HMSD: variants seen among roughly 807,000 people sequenced by gnomAD.
The protein encoded by HMSD is serpin-like protein HMSD.
HMSD carries 13 observed loss-of-function variants against 10.0 expected under a neutral mutation model. The observed-to-expected ratio is 1.31, with a 90% CI of 0.85 to 2.08. HMSD has a LOEUF of 2.08. Ranked by LOEUF, HMSD falls within the 30% of genes most tolerant of loss-of-function variation. The pLI is 0.00. For synonymous variants in HMSD, 51 were observed against 54.2 expected, an observed-to-expected ratio of 0.94 and a Z score of 0.26; for missense variants, 169 against 166.3, an observed-to-expected ratio of 1.02 and a Z score of -0.09.
chr18:63,956,909 A>G lies in HMSD; in HGVS notation c.222+2352A>G, dbSNP rs1051258704. The stretch of plus-strand genomic sequence containing the variant: ...TGCAGCCATAAAACAGAATGAGATC[A>G]TGTCCTTTGCAGCCACAGAGATGGA... On this transcript the variant is annotated intron_variant, in intron 3 of 3. Coordinates refer to ENST00000408945, the MANE Select transcript of HMSD (RefSeq NM_001123366.2). Among the ~76,000 whole-genome samples the G allele has an allele frequency of 2.0e-5, 3 of 152,370 alleles. No homozygotes were observed. In the East Asian group the frequency reaches 5.8e-4, roughly 29 times the overall value.
In HMSD at chr18:63,953,337, A is replaced by C; in HGVS notation, c.-102-17A>C. 1 of 702,780 alleles carries C rather than the reference A, an allele frequency of 1.4e-6. No homozygotes were observed. Among genetic ancestry groups the C allele is most frequent in the Non-Finnish European group, 2.5e-6 (1 of 396,768 alleles). The allele number at this position is 702,780 out of a possible 1,614,324, so 43.5% of individuals were successfully genotyped here. On this transcript the variant is annotated splice_polypyrimidine_tract_variant and intron_variant, in intron 1 of 3. Transcript: ENST00000408945. The stretch of plus-strand genomic sequence containing the variant: ...GCCTATATTAATGTAATATTGTTTA[A>C]AAATCCATTGTTTCAGGCTCACCGT...
chr18:63,959,386 T>C (rs892343339), intron 3 of HMSD, among the ~76,000 whole-genome samples: 4 of 152,206 alleles, frequency 2.6e-5, no homozygotes, highest in Non-Finnish European at 5.9e-5. Context: ...GTTTTTAATA[T>C]CACTTGAGAT....
intron 2 of HMSD, among the ~76,000 whole-genome samples, chr18:63,953,965 T>G (rs1431035084): frequency 1.3e-5 from 2 of 152,242 alleles, no homozygotes; most frequent in South Asian, 2.1e-4. Context: ...GAGCCAGTTC[T>G]GCATTCTGCT....
chr18:63,949,754 T>A (rs551369296), intron 1 of HMSD, among the ~76,000 whole-genome samples: 1 of 152,140 alleles, frequency 6.6e-6, no homozygotes, highest in East Asian at 1.9e-4. Context: ...GAAGTTTATG[T>A]TGGGCGCTGG....
At chr18:63,966,558 A>T (rs1188234741), downstream of HMSD, 1 of 152,252 alleles carries the variant, frequency 6.6e-6, no homozygotes, top group Non-Finnish European at 1.5e-5. Flanking sequence ...ACCACAGATC[A>T]CATACACGGA....
chr18:63,964,693 A>G (rs2050402935), downstream of HMSD, among the ~76,000 whole-genome samples: 1 of 152,138 alleles, frequency 6.6e-6, no homozygotes, highest in Non-Finnish European at 1.5e-5. Flanking sequence ...CCTTTTAGCT[A>G]TGTTCACATG....
At chr18:63,954,341 G>A (rs1174393273) in intron 2 of HMSD, 67 bp from the exon 3 acceptor site, 3 of 1,105,182 alleles carry the variant, frequency 2.7e-6, no homozygotes, top group South Asian at 1.4e-5. Context: ...TGAGTTTACT[G>A]TTGTGCCTAT....
intron 1 of HMSD, among the ~76,000 whole-genome samples, chr18:63,951,140 G>A (rs1010639234): frequency 3.3e-5 from 5 of 152,224 alleles, no homozygotes; most frequent in Admixed American, 3.3e-4. Flanking sequence ...GTTTATTATT[G>A]TACAAATGCT....
chr18:63,955,368 T>C (rs150053364), intron 3 of HMSD, among the ~76,000 whole-genome samples: 10 of 152,334 alleles, frequency 6.6e-5, no homozygotes, highest in Admixed American at 2.0e-4. Context: ...CTTTCTTGCA[T>C]TGACGAGTAT....
chr18:63,951,446 CA>C (rs1341005111), intron 1 of HMSD, among the ~76,000 whole-genome samples: 1 of 152,010 alleles, frequency 6.6e-6, no homozygotes, highest in African/African-American at 2.4e-5. Context: ...CACTCACCAG[CA>C]GGGGGGAAAC....
rs1042548724 is a variant in HMSD, at chr18:63,960,123, T to A, written c.223-35T>A. Reference sequence around the variant, plus strand: ...GTAAGCCAGTGATATTAGTTGTTTCTGTAGCTGTGAAATTATGTTTTTGGT... The same window carrying A: ...GTAAGCCAGTGATATTAGTTGTTTCAGTAGCTGTGAAATTATGTTTTTGGT... On this transcript the variant is annotated intron_variant, in intron 3 of 3. Transcript: ENST00000408945. The A allele has an allele frequency of 1.9e-6, 3 of 1,586,634 alleles. No individual in the cohort carries two copies. In the Admixed American group the frequency reaches 5.2e-5, roughly 27 times the overall value.
chr18:63,954,393 T>A lies in HMSD; in HGVS notation c.73-15T>A. On this transcript the variant is annotated splice_polypyrimidine_tract_variant and intron_variant, in intron 2 of 3. Coordinates refer to ENST00000408945, the MANE Select transcript of HMSD (RefSeq NM_001123366.2). ...ATACTGAGAATGTGTATGTTTATTA[T>A]TATTTTATTTTCAGGCACTTTGTTT... The A allele has an allele frequency of 6.3e-7, 1 of 1,594,256 alleles. No homozygotes were observed. The highest frequency in any genetic ancestry group is 1.7e-5 in the Admixed American group (1 of 59,602).
chr18:63,963,569 A>C (rs9950903), downstream of HMSD, among the ~76,000 whole-genome samples: 53,773 of 151,970 alleles, frequency 0.35, 10,873 homozygotes, highest in African/African-American at 0.56. Context: ...ACCAAGCATA[A>C]AATGTTTTAC....
chr18:63,954,296 T>G (rs2050346094), intron 2 of HMSD, 112 bp from the exon 3 acceptor site: 6 of 753,320 alleles, frequency 8.0e-6, no homozygotes, highest in Non-Finnish European at 1.3e-5. Context: ...GATCATCTTT[T>G]AAGCTGTAGT....
chr18:63,950,597 A>C (rs921302760), intron 1 of HMSD, among the ~76,000 whole-genome samples: 1 of 152,160 alleles, frequency 6.6e-6, no homozygotes, highest in Middle Eastern at 3.4e-3. Context: ...TGAAGGCCTA[A>C]ATATTAAACC....
At chr18:63,963,886 C>A (rs1370788036), downstream of HMSD, among the ~76,000 whole-genome samples, 2 of 152,206 alleles carry the variant, frequency 1.3e-5, no homozygotes, top group African/African-American at 4.8e-5. Context: ...GGATTCTGAT[C>A]TTCTTAGGAT....
At chr18:63,955,162 C>T (rs1306271267) in intron 3 of HMSD, among the ~76,000 whole-genome samples, 1 of 152,226 alleles carries the variant, frequency 6.6e-6, no homozygotes, top group Non-Finnish European at 1.5e-5. Flanking sequence ...TTTCCTCCTT[C>T]ACATATAAAA....
intron 2 of HMSD, among the ~76,000 whole-genome samples, chr18:63,954,007 T>C (rs2050344200): frequency 6.6e-6 from 1 of 152,184 alleles, no homozygotes; most frequent in Admixed American, 6.5e-5. Context: ...CAGCCCAGAT[T>C]CTGAAGAAGG....
At position 63,960,503 on chromosome 18, in the gene HMSD, G is replaced by A. The variant is rs1046759356; in HGVS notation, c.*148G>A. The A allele has an allele frequency of 8.1e-7, 1 of 1,227,780 alleles. No homozygotes were observed. The highest frequency in any genetic ancestry group is 1.6e-5 in the African/African-American group (1 of 63,772). 76.1% of individuals were successfully genotyped at this position (1,227,780 alleles called of 1,614,324 possible). On this transcript the variant is annotated 3_prime_UTR_variant, in exon 4 of 4. Coordinates refer to ENST00000408945, the MANE Select transcript of HMSD (RefSeq NM_001123366.2). The stretch of plus-strand genomic sequence containing the variant: ...CTCTAGATGAAATAATCTCTTCCAG[G>A]TTTTTTTGCTTGTTAATATTAGGTA...
Sources: gnomAD v4.1 joint callset for allele counts (sites outside exome capture counted in the v4.1 genomes callset) on GRCh38, gnomAD v4.1.1 for gene constraint, MANE v1.5 for transcripts, NCBI Gene and HGNC (gene_info 2026-07-23, HGNC 2026-07-21) for gene names.